Variants in GLS2 observed in about 807,000 individuals in gnomAD.
GLS2 encodes glutaminase 2, also known as glutaminase liver isoform, mitochondrial.
Under a neutral mutation model 79.0 loss-of-function variants are expected in GLS2, and 52 were observed. The ratio of observed to expected loss-of-function variants is 0.66; its 90% CI spans 0.53 to 0.83. GLS2 has a LOEUF of 0.83. Among genes scored for constraint, GLS2 ranks in the 40% least tolerant of loss-of-function variants. The pLI, the probability that GLS2 is intolerant of heterozygous loss-of-function variation, is 0.00. For missense variants in GLS2, 561 were observed against 764.8 expected (o/e 0.73, Z 3.14); for synonymous variants, 238 against 280.8 (o/e 0.85, Z 1.52).
intron 14 of GLS2, 131 bp from the exon 15 acceptor site, chr12:56,472,882 A>ATT: frequency 1.5e-5 from 8 of 544,532 alleles, no homozygotes; most frequent in South Asian, 7.3e-5. Context: ...ACTCTGAAAT[A>ATT]TTCTTTTTTT....
intron 6 of GLS2, 93 bp from the exon 7 acceptor site, chr12:56,477,811 A>G (rs553049393): frequency 2.4e-5 from 37 of 1,540,544 alleles, no homozygotes; most frequent in Non-Finnish European, 3.3e-5. Flanking sequence ...AAAGACTGCT[A>G]GGGAGAAAGG....
chr12:56,487,540 T>C (rs1171353304), intron 1 of GLS2: 7 of 271,548 alleles, frequency 2.6e-5, no homozygotes, highest in South Asian at 1.5e-4. Flanking sequence ...CCAGTACACC[T>C]GGACCGGAGG....
In GLS2 at chr12:56,473,539, T is replaced by C. The variant is rs1482628365; in HGVS notation, c.1280A>G (p.Asn427Ser). The change falls in exon 13 of 18, where the codon AAT becomes AGT. Residue 427 changes from asparagine (N) to serine (S), a missense_variant. Coordinates refer to ENST00000311966, the MANE Select transcript of GLS2 (RefSeq NM_013267.4). ...VSGAILLVVPNVMGMMCLSPP... is the reference protein window; with the variant it reads ...VSGAILLVVPSVMGMMCLSPP... ...TGACAGGCACATCATTCCCATGACA[T>C]TGGGTACCACCAGGAGGATGGCTCC... 2 of 1,613,430 alleles carry C rather than the reference T, an allele frequency of 1.2e-6. No individual in the cohort carries two copies. The highest frequency in any genetic ancestry group is 1.3e-5 in the African/African-American group (1 of 74,898).
chr12:56,479,268 G>T, intron 3 of GLS2, 87 bp from the exon 4 acceptor site: 1 of 1,528,328 alleles, frequency 6.5e-7, no homozygotes, highest in South Asian at 1.2e-5. Context: ...AATAAAGAAG[G>T]TTGAGTGGTC....
intron 1 of GLS2, chr12:56,487,551 C>G: frequency 3.5e-6 from 1 of 285,006 alleles, no homozygotes; most frequent in Non-Finnish European, 6.6e-6. Flanking sequence ...GGACCGGAGG[C>G]AGGAGGCTGT....
rs150644220 is a variant in GLS2, at chr12:56,471,807, C to T, written c.1618G>A (p.Glu540Lys). The T allele has an allele frequency of 2.5e-5, 40 of 1,613,908 alleles. 1 individual carries two copies. Among genetic ancestry groups the T allele is most frequent in the African/African-American group, 6.7e-5 (5 of 74,868 alleles). ...GCAAAAGGATTCACTTTGCAAGCCTCGATCAGGAATTTAACAACTTCGATG... is the reference window on the plus strand; with the variant it reads ...GCAAAAGGATTCACTTTGCAAGCCTTGATCAGGAATTTAACAACTTCGATG... ...GHIEVVKFLI[E>K]ACKVNPFAKD... Residue 540 changes from glutamate (E) to lysine (K), a missense_variant, in exon 17 of 18, where the codon GAG becomes AAG. By Grantham distance (56) the Glu-to-Lys change is moderately conservative. Around this residue, in one of 4 missense-constraint regions of GLS2, gnomAD observed 136 missense variants for 228.6 expected, o/e 0.59. Transcript: ENST00000311966.
chr12:56,481,568 C>A (rs1870299361), intron 1 of GLS2, among the ~76,000 whole-genome samples: 1 of 151,610 alleles, frequency 6.6e-6, no homozygotes, highest in African/African-American at 2.4e-5. Flanking sequence ...CGTTTGGTAG[C>A]TCCCCAGTGC....
intron 1 of GLS2, among the ~76,000 whole-genome samples, chr12:56,484,126 C>T (rs1397737954): frequency 5.3e-5 from 8 of 152,060 alleles, no homozygotes; most frequent in East Asian, 1.9e-4. Flanking sequence ...AAGAATTAGC[C>T]GGGTGTGGTG....
At chr12:56,479,988 C>G (rs998301625) in intron 2 of GLS2, 87 bp from the exon 3 acceptor site, 2 of 1,522,014 alleles carry the variant, frequency 1.3e-6, no homozygotes. Context: ...ACCCAATTAG[C>G]TGAACCCCAA....
In GLS2 at chr12:56,473,328, T is replaced by A. The variant is rs1869482555; in HGVS notation, c.1357-8A>T. ...GAAGAGAGACACCAACTTCTAGAAT[T>A]GTAAGCCAAATATATTGTTTATTTA... On this transcript the variant is annotated splice_region_variant and splice_polypyrimidine_tract_variant and intron_variant, in intron 13 of 17. Coordinates refer to ENST00000311966, the MANE Select transcript of GLS2 (RefSeq NM_013267.4). 6.2e-7 allele frequency: 1 copy of A among 1,614,028 alleles called. No homozygotes were observed. Among genetic ancestry groups the A allele is most frequent in the Non-Finnish European group, 8.5e-7 (1 of 1,179,934 alleles).
chr12:56,474,226 AT>A, intron 12 of GLS2: 1 of 340,084 alleles, frequency 2.9e-6, no homozygotes, highest in Non-Finnish European at 5.6e-6. Context: ...AGTAGCTGGG[AT>A]TACAGGTGCA....
chr12:56,471,994 G>A, intron 16 of GLS2, 125 bp downstream of exon 16: 1 of 1,284,516 alleles, frequency 7.8e-7, no homozygotes, highest in South Asian at 1.3e-5. Flanking sequence ...GCAAACCGAA[G>A]GGTGTCTAGA....
intron 6 of GLS2, 79 bp from the exon 7 acceptor site, chr12:56,477,797 CAAGA>C: frequency 6.4e-7 from 1 of 1,552,738 alleles, no homozygotes; most frequent in Non-Finnish European, 8.8e-7. Flanking sequence ...GTGGGTTAGA[CAAGA>C]AAGACTGCTA....
chr12:56,487,988 G>A lies in GLS2; in HGVS notation c.131C>T (p.Ala44Val). 6.2e-7 allele frequency: 1 copy of A among 1,601,692 alleles called. No homozygotes were observed. Among genetic ancestry groups the A allele is most frequent in the Non-Finnish European group, 8.5e-7 (1 of 1,179,478 alleles). ...GGVRHHLSEAAAQGRETPHSH... is the reference protein window; with the variant it reads ...GGVRHHLSEAVAQGRETPHSH... ...GTGTGGCGTCTCTCTGCCCTGCGCC[G>A]CGGCCTCACTGAGGTGGTGCCGGAC... The change falls in exon 1 of 18, where the codon GCG becomes GTG. Residue 44 changes from alanine (A) to valine (V), a missense_variant. Coordinates refer to ENST00000311966, the MANE Select transcript of GLS2 (RefSeq NM_013267.4).
intron 8 of GLS2, 65 bp from the exon 9 acceptor site, chr12:56,475,747 T>A (rs1869749864): frequency 6.4e-7 from 1 of 1,556,464 alleles, no homozygotes; most frequent in Admixed American, 1.7e-5. Flanking sequence ...ACCTCACAGG[T>A]TGACTAGCCC....
intron 1 of GLS2, among the ~76,000 whole-genome samples, chr12:56,484,938 TG>T (rs1359883458): frequency 1.3e-5 from 2 of 152,176 alleles, no homozygotes; most frequent in African/African-American, 2.4e-5. Context: ...AAATTATCTC[TG>T]GGGGCAAAAT....
chr12:56,473,896 C>T (rs966906086), intron 12 of GLS2: 96 of 275,398 alleles, frequency 3.5e-4, no homozygotes, highest in East Asian at 2.0e-3. Flanking sequence ...TAAATAGACA[C>T]GTAATGTTTA....
rs1592283407 is a variant in GLS2 at position 56,484,467 on chromosome 12, G to A, written c.182+3470C>T. Among the ~76,000 whole-genome samples, 4 of 152,312 alleles carry A rather than the reference G, an allele frequency of 2.6e-5. No homozygotes were observed. The South Asian group carries it at 6.2e-4, about 24-fold the overall frequency. On this transcript the variant is annotated intron_variant, in intron 1 of 17. Transcript: ENST00000311966. ...AAACAGCTTGGCATAGACTAGGCAT[G>A]TGTGTGTTTGGAGTCAGGAGGAGTA... is the stretch of plus-strand genomic sequence containing the variant.
At chr12:56,472,361 T>TA (rs1480367869) in intron 15 of GLS2, 166 bp from the exon 16 acceptor site, 1 of 631,326 alleles carries the variant, frequency 1.6e-6, no homozygotes, top group East Asian at 2.7e-5. Flanking sequence ...ATGAGACTGT[T>TA]ATACTCATAT....
Sources: allele counts gnomAD v4.1 joint callset (sites outside exome capture counted in the v4.1 genomes callset), GRCh38; gene constraint gnomAD v4.1.1; regional missense constraint gnomAD v4.1.1; transcripts MANE v1.5; gene names NCBI Gene and HGNC (gene_info 2026-07-23, HGNC 2026-07-21).